HSF1: variants seen among roughly 807,000 people sequenced by gnomAD.
HSF1 encodes heat shock transcription factor 1.
Under a neutral mutation model 51.7 loss-of-function variants are expected in HSF1, and 32 were observed. That is an observed-to-expected ratio of 0.62 (90% CI 0.47 to 0.83). The LOEUF (loss-of-function observed/expected upper bound fraction) is 0.83. Ranked by LOEUF, HSF1 falls within the 40% of genes least tolerant of loss-of-function variation. HSF1 has a pLI of 0.00. For synonymous variants in HSF1, 396 were observed against 309.7 expected (o/e 1.28, Z -2.92); for missense variants, 727 against 717.0 (o/e 1.01, Z -0.16).
At chr8:144,306,508 G>A (rs1179555215) in intron 1 of HSF1, among the ~76,000 whole-genome samples, 4 of 152,020 alleles carry the variant, frequency 2.6e-5, no homozygotes, top group African/African-American at 7.2e-5. Flanking sequence ...GATGATAGGT[G>A]TGCGCCACCA....
At chr8:144,311,089 T>C (rs1816612981) in intron 4 of HSF1, 85 bp from the exon 5 acceptor site, 3 of 1,241,370 alleles carry the variant, frequency 2.4e-6, no homozygotes, top group East Asian at 2.5e-5. Flanking sequence ...TGCTCCTGCA[T>C]GGGGGACAGG....
intron 2 of HSF1, 111 bp from the exon 3 acceptor site, chr8:144,309,344 C>A: frequency 6.8e-7 from 1 of 1,468,784 alleles, no homozygotes; most frequent in Non-Finnish European, 9.4e-7. Flanking sequence ...GGGGGCAGGG[C>A]AGGGTCTGAC....
At chr8:144,310,053 G>A (rs782294310) in intron 4 of HSF1, 157 bp downstream of exon 4, 88 of 859,504 alleles carry the variant, frequency 1.0e-4, no homozygotes, top group Middle Eastern at 3.6e-4. Flanking sequence ...CAGCCCCGCC[G>A]CCCGTGGCTG....
At chr8:144,309,621 T>C (rs782671383) in intron 3 of HSF1, 30 bp downstream of exon 3, 1 of 1,611,340 alleles carries the variant, frequency 6.2e-7, no homozygotes, top group South Asian at 1.1e-5. Flanking sequence ...CCTTGCCCGG[T>C]CTCACCTGCC....
intron 1 of HSF1, among the ~76,000 whole-genome samples, chr8:144,293,860 C>A (rs1383682330): frequency 6.6e-6 from 1 of 150,966 alleles, no homozygotes; most frequent in East Asian, 1.9e-4. Context: ...GTGATCTGTC[C>A]TGTCCCGTAA....
intron 1 of HSF1, among the ~76,000 whole-genome samples, chr8:144,292,156 G>C (rs1443209141): frequency 6.6e-6 from 1 of 152,250 alleles, no homozygotes; most frequent in Admixed American, 6.5e-5. Flanking sequence ...TTGGGCTTCT[G>C]CTAACTGTTG....
Position 144,313,863 on chromosome 8 carries a change from G to C in HSF1, c.1266G>C (p.Val422=). The C allele has an allele frequency of 1.9e-6, 3 of 1,599,424 alleles. No homozygotes were observed. Among genetic ancestry groups the C allele is most frequent in the Non-Finnish European group, 2.6e-6 (3 of 1,176,366 alleles). Residue 422 remains valine, a synonymous_variant, in exon 11 of 13, where the codon GTG becomes GTC. Coordinates refer to ENST00000528838, the MANE Select transcript of HSF1 (RefSeq NM_005526.4). ...SALLDLFSPS[V]TVPDMSLPDL... is the part of the protein sequence containing the mutation. ...CTCCGCAGCTGTTCAGCCCCTCGGTGACCGTGCCCGACATGAGCCTGCCTG... is the reference window on the plus strand; with the variant it reads ...CTCCGCAGCTGTTCAGCCCCTCGGTCACCGTGCCCGACATGAGCCTGCCTG...
At position 144,311,818 on chromosome 8, in the gene HSF1, G is replaced by A; in HGVS notation, c.842G>A (p.Gly281Asp). The A allele has an allele frequency of 1.2e-6, 2 of 1,610,232 alleles. No individual in the cohort carries two copies. The change falls in exon 8 of 13, where the codon GGC (glycine) becomes GAC (aspartate). Residue 281 changes from glycine (G) to aspartate (D), a missense_variant. Physicochemically the swap from Gly to Asp is moderately conservative, Grantham distance 94. This residue lies in a region of HSF1 where 470 missense variants were observed against 398.8 expected (regional missense o/e 1.18). Coordinates refer to ENST00000528838, the MANE Select transcript of HSF1 (RefSeq NM_005526.4). ...LAPASPMASP[G>D]GSIDERPLSS... is the part of the protein sequence containing the mutation. ...CCTGCCAGCCCCATGGCCTCCCCCG[G>A]CGGGAGCATAGACGAGAGGTGGGGG...
rs564169336 is a variant in HSF1 at position 144,314,678 on chromosome 8, C to T, written c.*348C>T. On this transcript the variant is annotated 3_prime_UTR_variant, in exon 13 of 13. Coordinates refer to ENST00000528838, the MANE Select transcript of HSF1 (RefSeq NM_005526.4). The stretch of plus-strand genomic sequence containing the variant: ...CAGATATATACACACAGTGGATGGA[C>T]GGACAAGACAGGCAGAGATCTATAA... 5.0e-5 allele frequency: 15 copies of T among 298,832 alleles called. No individual in the cohort carries two copies. Among genetic ancestry groups the T allele is most frequent in the African/African-American group, 1.9e-4 (9 of 47,846 alleles). 18.5% of individuals were successfully genotyped at this position (298,832 alleles called of 1,614,324 possible).
In HSF1 at chr8:144,291,953, G is replaced by C. The variant is rs1815117104; in HGVS notation, c.117+79G>C. On this transcript the variant is annotated intron_variant, in intron 1 of 12. Coordinates refer to ENST00000528838, the MANE Select transcript of HSF1 (RefSeq NM_005526.4). This position sits in a 1 kb window ranked among gnomAD's most constrained non-coding sequence, Gnocchi z 4.1. ...GCGGCGGACGGCGCGGGAGGGCTGCGGGGAGGGGCCCTGCCGCACTTCAGC... is the reference window on the plus strand; with the variant it reads ...GCGGCGGACGGCGCGGGAGGGCTGCCGGGAGGGGCCCTGCCGCACTTCAGC... 1.4e-6 allele frequency: 1 copy of C among 703,236 alleles called. No individual in the cohort carries two copies. The highest frequency in any genetic ancestry group is 2.8e-5 in the South Asian group (1 of 35,868). 43.6% of individuals were successfully genotyped at this position (703,236 alleles called of 1,614,324 possible).
rs541417332 is a variant in HSF1, at chr8:144,314,121, G to A, written c.1385-4G>A. 1.4e-5 allele frequency: 5 copies of A among 349,138 alleles called. No homozygotes were observed. Among genetic ancestry groups the A allele is most frequent in the African/African-American group, 1.1e-4 (1 of 9,464 alleles). The allele number at this position is 349,138 out of a possible 1,614,324, so 21.6% of individuals were successfully genotyped here. ...CCACCGCCTTGACACCCCCACCCCC[G>A]CAGGGAAGCAGCTGGTGCACTACAC... On this transcript the variant is annotated splice_polypyrimidine_tract_variant and splice_region_variant and intron_variant, in intron 12 of 12. Transcript: ENST00000528838.
At chr8:144,294,466 C>A (rs2130310447) in intron 1 of HSF1, among the ~76,000 whole-genome samples, 1 of 152,324 alleles carries the variant, frequency 6.6e-6, no homozygotes, top group South Asian at 2.1e-4. Flanking sequence ...CACCATTCTG[C>A]CAAGAAAAAC....
intron 1 of HSF1, among the ~76,000 whole-genome samples, chr8:144,300,827 G>A (rs963664634): frequency 2.6e-5 from 4 of 151,626 alleles, no homozygotes; most frequent in African/African-American, 9.7e-5. Context: ...TTAACAATGT[G>A]TCTAATGTTC....
chr8:144,294,395 C>T (rs1554840952), intron 1 of HSF1, among the ~76,000 whole-genome samples: 1 of 152,202 alleles, frequency 6.6e-6, no homozygotes, highest in East Asian at 1.9e-4. Flanking sequence ...TGAGAAGGCC[C>T]TGGTGCTCTT....
In HSF1 at chr8:144,313,982, C is replaced by G; in HGVS notation, c.1315-3C>G. 1 of 1,611,310 alleles carries G rather than the reference C, an allele frequency of 6.2e-7. No individual in the cohort carries two copies. The highest frequency in any genetic ancestry group is 8.5e-7 in the Non-Finnish European group (1 of 1,179,498). ...TGCTCACAATACCGTCTCCACCCCACAGATCCAAGAGCTCCTGTCTCCCCA... is the reference window on the plus strand; with the variant it reads ...TGCTCACAATACCGTCTCCACCCCAGAGATCCAAGAGCTCCTGTCTCCCCA... On this transcript the variant is annotated splice_region_variant and splice_polypyrimidine_tract_variant and intron_variant, in intron 11 of 12. Transcript: ENST00000528838.
chr8:144,295,761 C>T (rs1463566600), intron 1 of HSF1, among the ~76,000 whole-genome samples: 2 of 151,616 alleles, frequency 1.3e-5, no homozygotes, highest in Non-Finnish European at 2.9e-5. Context: ...AGGGTCTCGC[C>T]GTATTGCCCA....
At chr8:144,313,458 T>G in intron 9 of HSF1, 53 bp from the exon 10 acceptor site, 14 of 1,173,758 alleles carry the variant, frequency 1.2e-5, no homozygotes, top group Non-Finnish European at 1.7e-5. Flanking sequence ...CAGGAGGGCA[T>G]TGGGGTGTGG....
chr8:144,309,297 G>C, intron 2 of HSF1, 158 bp from the exon 3 acceptor site: 1 of 995,702 alleles, frequency 1.0e-6, no homozygotes, highest in Non-Finnish European at 1.5e-6. Flanking sequence ...GTCTCCCTTA[G>C]ACCAAGGCCA....
chr8:144,292,982 A>G (rs1815201994), intron 1 of HSF1, among the ~76,000 whole-genome samples: 2 of 151,848 alleles, frequency 1.3e-5, no homozygotes, highest in Admixed American at 1.3e-4. Context: ...AAGAAAGGCC[A>G]CTGATCATTG....
Sources: allele counts gnomAD v4.1 joint callset (sites outside exome capture counted in the v4.1 genomes callset), GRCh38; gene constraint gnomAD v4.1.1; regional missense constraint gnomAD v4.1.1; non-coding constraint Gnocchi (gnomAD v3.1); transcripts MANE v1.5; gene names NCBI Gene and HGNC (gene_info 2026-07-23, HGNC 2026-07-21).